HOOK3: variants seen among roughly 807,000 people sequenced by gnomAD.
The protein encoded by HOOK3 is protein Hook homolog 3.
HOOK3 carries 24 observed loss-of-function variants against 116.3 expected under a neutral mutation model. That is an observed-to-expected ratio of 0.21 (90% CI 0.15 to 0.29). The LOEUF (loss-of-function observed/expected upper bound fraction) is 0.29. HOOK3 is among the 10% of genes least tolerant of loss of function. The probability of loss-of-function intolerance (pLI) is 1.00; values close to 1 mark genes in which losing one functional copy is unlikely to be tolerated. For missense variants in HOOK3, 632 were observed against 830.2 expected (o/e 0.76, Z 2.93); for synonymous variants, 275 against 283.0 (o/e 0.97, Z 0.28).
intron 21 of HOOK3, among the ~76,000 whole-genome samples, chr8:43,017,253 T>C (rs891497685): frequency 6.6e-6 from 1 of 152,148 alleles, no homozygotes; most frequent in African/African-American, 2.4e-5. Context: ...AGCTCTCAGT[T>C]CTTTCATTTT....
intron 1 of HOOK3, 194 bp downstream of exon 1, chr8:42,897,382 C>G: frequency 2.6e-6 from 1 of 382,000 alleles, no homozygotes; most frequent in Non-Finnish European, 4.6e-6. Context: ...CTGTTCCGGG[C>G]GGACCCCGGC....
intron 2 of HOOK3, among the ~76,000 whole-genome samples, chr8:42,913,490 T>C (rs1807473215): frequency 6.6e-6 from 1 of 152,266 alleles, no homozygotes; most frequent in African/African-American, 2.4e-5. Context: ...TGTATGGATA[T>C]ACCACAATTT....
At chr8:42,983,033 T>C (rs762758482) in intron 14 of HOOK3, among the ~76,000 whole-genome samples, 8 of 152,180 alleles carry the variant, frequency 5.3e-5, no homozygotes, top group Non-Finnish European at 7.4e-5. Flanking sequence ...TTATTAGTTA[T>C]TAAGATTTAT....
rs537148911 is a variant in HOOK3 at position 42,986,925 on chromosome 8, G to A, written c.1532+130G>A. 3.8e-5 allele frequency: 35 copies of A among 913,208 alleles called. No individual in the cohort carries two copies. In the Middle Eastern group the frequency reaches 2.0e-3, roughly 52 times the overall value. 56.6% of individuals were successfully genotyped at this position (913,208 alleles called of 1,614,324 possible). On this transcript the variant is annotated intron_variant, in intron 15 of 21. Transcript: ENST00000307602. ...TAATCCCAGCACTTTGGGAGGCCCAGGAGGGCAGATCGCTTGAGCTCGGGA... is the reference window on the plus strand; with the variant it reads ...TAATCCCAGCACTTTGGGAGGCCCAAGAGGGCAGATCGCTTGAGCTCGGGA...
At chr8:42,935,700 T>C (rs1807956527) in intron 4 of HOOK3, among the ~76,000 whole-genome samples, 1 of 152,212 alleles carries the variant, frequency 6.6e-6, no homozygotes, top group African/African-American at 2.4e-5. Flanking sequence ...CAGATGGTTG[T>C]AGATGTGTGG....
chr8:43,024,037 G>A lies in HOOK3; in HGVS notation c.*5539G>A, dbSNP rs556374712. 160 of 205,138 alleles carry A rather than the reference G, an allele frequency of 7.8e-4. No individual in the cohort carries two copies. Among genetic ancestry groups the A allele is most frequent in the African/African-American group, 3.5e-3 (152 of 43,840 alleles). The allele number at this position is 205,138 out of a possible 1,614,324, so 12.7% of individuals were successfully genotyped here. On this transcript the variant is annotated 3_prime_UTR_variant, in exon 22 of 22. Coordinates refer to ENST00000307602, the MANE Select transcript of HOOK3 (RefSeq NM_032410.4). ...CTCCAGTTATCCCCAGTTGGATCAT[G>A]TGTGATTTATCTGAGAAAGCATCCA...
At chr8:42,959,740 AAAAATT>A (rs1436395433) in intron 8 of HOOK3, among the ~76,000 whole-genome samples, 1 of 151,650 alleles carries the variant, frequency 6.6e-6, no homozygotes, top group African/African-American at 2.4e-5. Flanking sequence ...AAAAAAAAAA[AAAAATT>A]CAAGAGCATA....
At chr8:42,915,964 G>C (rs1457486706) in intron 2 of HOOK3, among the ~76,000 whole-genome samples, 3 of 152,206 alleles carry the variant, frequency 2.0e-5, no homozygotes, top group Non-Finnish European at 4.4e-5. Context: ...CCTAAGTGAT[G>C]TGGGCCACTT....
chr8:42,941,165 T>G (rs1808111807), intron 4 of HOOK3, among the ~76,000 whole-genome samples: 1 of 151,304 alleles, frequency 6.6e-6, no homozygotes, highest in Non-Finnish European at 1.5e-5. Context: ...CAGGCTGGTT[T>G]CAAACTCCTG....
intron 2 of HOOK3, among the ~76,000 whole-genome samples, chr8:42,917,020 G>C (rs982240815): frequency 3.3e-5 from 5 of 152,180 alleles, no homozygotes; most frequent in Non-Finnish European, 7.3e-5. Context: ...CCTCAGTGCA[G>C]CTGTACTTCT....
At chr8:42,968,342 A>C (rs1215584970) in intron 11 of HOOK3, 128 bp downstream of exon 11, 1 of 651,486 alleles carries the variant, frequency 1.5e-6, no homozygotes, top group Non-Finnish European at 2.6e-6. Flanking sequence ...GTATTGATTC[A>C]TTTAGGAGAC....
chr8:42,993,989 A>G (rs990135991), intron 15 of HOOK3, among the ~76,000 whole-genome samples: 2 of 151,656 alleles, frequency 1.3e-5, no homozygotes, highest in Non-Finnish European at 2.9e-5. Context: ...TTTCAAATTC[A>G]TTTATTTCTG....
intron 18 of HOOK3, among the ~76,000 whole-genome samples, chr8:43,008,358 A>G (rs1453632080): frequency 6.6e-6 from 1 of 151,936 alleles, no homozygotes; most frequent in Non-Finnish European, 1.5e-5. Context: ...TGTGTTGCCC[A>G]GACTGGAGTA....
intron 4 of HOOK3, among the ~76,000 whole-genome samples, chr8:42,931,519 C>T (rs1283405998): frequency 6.7e-6 from 1 of 149,568 alleles, no homozygotes; most frequent in Non-Finnish European, 1.5e-5. Context: ...GCAAGCTCTG[C>T]CTCCCGGGTT....
intron 2 of HOOK3, among the ~76,000 whole-genome samples, chr8:42,924,725 C>A (rs1032935412): frequency 2.6e-5 from 4 of 152,100 alleles, no homozygotes; most frequent in African/African-American, 2.4e-5. Flanking sequence ...GTAATCCCAG[C>A]ACTTTGGGAG....
intron 2 of HOOK3, among the ~76,000 whole-genome samples, chr8:42,909,188 C>T (rs1424434533): frequency 1.3e-5 from 2 of 152,150 alleles, no homozygotes; most frequent in Non-Finnish European, 2.9e-5. Context: ...AGAGGGAACC[C>T]TTGTACACTG....
rs535879249 is a variant in HOOK3, at chr8:42,981,213, G to A, written c.1322-1414G>A. Among the ~76,000 whole-genome samples, 31 of 151,646 alleles carry A rather than the reference G, an allele frequency of 2.0e-4. No individual in the cohort carries two copies. In the South Asian group the frequency reaches 5.2e-3, roughly 26 times the overall value. On this transcript the variant is annotated intron_variant, in intron 13 of 21. Coordinates refer to ENST00000307602, the MANE Select transcript of HOOK3 (RefSeq NM_032410.4). ...AGTACAGGCATGCATCACCATGCCT[G>A]GCTAATTTTTTGTATTTTTGGTGGA...
chr8:42,968,128 A>G lies in HOOK3; in HGVS notation c.1036A>G (p.Met346Val). The change falls in exon 11 of 22, where the codon ATG (methionine) becomes GTG (valine). Residue 346 changes from methionine to valine, a missense_variant. By Grantham distance (21) the Met-to-Val change is conservative. Around this residue, in one of 3 missense-constraint regions of HOOK3, gnomAD observed 483 missense variants for 648.1 expected, o/e 0.75. Coordinates refer to ENST00000307602, the MANE Select transcript of HOOK3 (RefSeq NM_032410.4). ...QVKLLEEKNT[M>V]YMQNTVSLEE... ...TAAACTCTTAGAAGAGAAGAATACC[A>G]TGTATATGCAGAATACTGTCAGTCT... 6.2e-7 allele frequency: 1 copy of G among 1,613,340 alleles called. No homozygotes were observed. Among genetic ancestry groups the G allele is most frequent in the Non-Finnish European group, 8.5e-7 (1 of 1,179,302 alleles).
At chr8:42,982,483 T>A (rs1423333152) in intron 13 of HOOK3, 144 bp from the exon 14 acceptor site, 1 of 585,680 alleles carries the variant, frequency 1.7e-6, no homozygotes, top group East Asian at 2.9e-5. Context: ...TAATACTTAA[T>A]AATATTTTAA....
Sources: gnomAD v4.1 joint callset for allele counts (sites outside exome capture counted in the v4.1 genomes callset) on GRCh38, gnomAD v4.1.1 for gene constraint, gnomAD v4.1.1 regional missense constraint, MANE v1.5 for transcripts, NCBI Gene and HGNC (gene_info 2026-07-23, HGNC 2026-07-21) for gene names.